OR11A1: variants seen among roughly 807,000 people sequenced by gnomAD.
OR11A1 encodes the protein olfactory receptor 11A1.
For synonymous variants in OR11A1, 158 were observed against 152.2 expected (o/e 1.04, Z -0.28); for missense variants, 380 against 378.2 (o/e 1.00, Z -0.04).
At position 29,430,304 on chromosome 6, in the gene OR11A1, T is replaced by C. The variant is rs1188090518; in HGVS notation, c.-143A>G. The C allele has an allele frequency of 1.0e-6, 1 of 985,440 alleles. No individual in the cohort carries two copies. The highest frequency in any genetic ancestry group is 1.2e-6 in the Non-Finnish European group (1 of 829,942). The allele number at this position is 985,440 out of a possible 1,614,324, so 61.0% of individuals were successfully genotyped here. The stretch of plus-strand genomic sequence containing the variant: ...GTCTCTAAAGCTATTCTCTTACCCT[T>C]TGATCCCATCTGCATTTCCTTGTGA... On this transcript the variant is annotated 5_prime_UTR_variant, in exon 3 of 5. Transcript: ENST00000377149.
intron 1 of OR11A1, among the ~76,000 whole-genome samples, chr6:29,454,355 A>G (rs1419582104): frequency 1.3e-5 from 2 of 152,058 alleles, no homozygotes; most frequent in Non-Finnish European, 2.9e-5. Context: ...TGGGGCCCAG[A>G]TGGAAAAAAA....
chr6:29,450,878 G>A (rs1327614468), intron 1 of OR11A1, among the ~76,000 whole-genome samples: 1 of 152,136 alleles, frequency 6.6e-6, no homozygotes, highest in African/African-American at 2.4e-5. Flanking sequence ...AAATTCATAT[G>A]TAACCAAAAA....
chr6:29,443,580 A>G (rs543944055), intron 1 of OR11A1, among the ~76,000 whole-genome samples: 1 of 151,594 alleles, frequency 6.6e-6, no homozygotes, highest in Non-Finnish European at 1.5e-5. Flanking sequence ...GGTTGTTTCC[A>G]GTTTTTGGTT....
intron 1 of OR11A1, among the ~76,000 whole-genome samples, chr6:29,437,597 A>G (rs1205428479): frequency 6.9e-6 from 1 of 145,656 alleles, no homozygotes. Flanking sequence ...GAACGATGTC[A>G]TCTCCCATCT....
At chr6:29,449,636 T>C (rs1374466288) in intron 1 of OR11A1, among the ~76,000 whole-genome samples, 2 of 152,142 alleles carry the variant, frequency 1.3e-5, no homozygotes, top group South Asian at 2.1e-4. Context: ...CCAATCTTTC[T>C]CTTTTTTTTG....
At chr6:29,440,725 T>C (rs763975735) in intron 1 of OR11A1, 2 of 1,613,944 alleles carry the variant, frequency 1.2e-6, no homozygotes, top group East Asian at 2.2e-5. Flanking sequence ...CGCAAGGCCT[T>C]CTCCACCTGC....
intron 1 of OR11A1, among the ~76,000 whole-genome samples, chr6:29,449,666 T>C (rs1251929740): frequency 6.6e-6 from 1 of 152,152 alleles, no homozygotes; most frequent in East Asian, 1.9e-4. Flanking sequence ...AGATGGAGTC[T>C]CGCTCTGACT....
chr6:29,445,087 A>G (rs142389383), intron 1 of OR11A1, among the ~76,000 whole-genome samples: 4,046 of 152,126 alleles, frequency 0.027, 117 homozygotes, highest in African/African-American at 0.076. Context: ...GCTCACTGCA[A>G]CCTCTGCCTT....
chr6:29,427,240 T>A lies in OR11A1; in HGVS notation c.402A>T (p.Pro134=). The change falls in exon 5 of 5, where the codon CCA becomes CCT. Residue 134 remains proline (P), a synonymous_variant. Transcript: ENST00000377149. ...TGTACCGTCTGGGCCCCATCAGGAG[T>A]GGGTAGTGGAGTGGGTAGCAAATTG... ...YLAICYPLHY[P]LLMGPRRYMG... is the part of the protein sequence containing the mutation. 6.2e-7 allele frequency: 1 copy of A among 1,612,342 alleles called. No homozygotes were observed. Among genetic ancestry groups the A allele is most frequent in the East Asian group, 2.2e-5 (1 of 44,838 alleles).
At chr6:29,429,854 C>A (rs933126673) in intron 3 of OR11A1, among the ~76,000 whole-genome samples, 2 of 152,120 alleles carry the variant, frequency 1.3e-5, no homozygotes, top group African/African-American at 4.8e-5. Context: ...CAAGAAGGAA[C>A]TAGAGCTTCA....
At chr6:29,432,015 A>C in intron 1 of OR11A1, 28 bp from the exon 2 acceptor site, 1 of 985,254 alleles carries the variant, frequency 1.0e-6, no homozygotes, top group Non-Finnish European at 1.2e-6. Flanking sequence ...ATTGATTACA[A>C]ATGTCACCCT....
intron 1 of OR11A1, among the ~76,000 whole-genome samples, chr6:29,435,705 A>G (rs1003302128): frequency 6.6e-6 from 1 of 152,236 alleles, no homozygotes; most frequent in Non-Finnish European, 1.5e-5. Flanking sequence ...ATTTTACAAA[A>G]ACAAATTATA....
Position 29,427,320 on chromosome 6 carries a change from G to C in OR11A1, c.322C>G (p.Leu108Val). 3 of 1,613,098 alleles carry C rather than the reference G, an allele frequency of 1.9e-6. No individual in the cohort carries two copies. In the South Asian group the frequency reaches 3.3e-5, roughly 18 times the overall value. Residue 108 changes from leucine to valine, a missense_variant, in exon 5 of 5, where the codon CTA (leucine) becomes GTA (valine). Coordinates refer to ENST00000377149, the MANE Select transcript of OR11A1 (RefSeq NM_001394828.1). Reference protein sequence around the residue: ...CLLQFFIFGSLATAECLLLAV... With the variant: ...CLLQFFIFGSVATAECLLLAV... ...AGCAGTAAGCATTCAGCTGTGGCTA[G>C]AGAGCCGAAGATAAAGAACTGGAGC...
chr6:29,436,973 C>G (rs1325430949), intron 1 of OR11A1, among the ~76,000 whole-genome samples: 1 of 152,194 alleles, frequency 6.6e-6, no homozygotes, highest in Non-Finnish European at 1.5e-5. Context: ...TTTCGAAAAG[C>G]GCCAGCACAA....
intron 4 of OR11A1, chr6:29,428,069 C>T: frequency 3.4e-6 from 1 of 291,098 alleles, no homozygotes; most frequent in Non-Finnish European, 5.3e-6. Context: ...CCCACAACTG[C>T]AAACTCTTCT....
intron 1 of OR11A1, chr6:29,440,436 C>T (rs1422951751): frequency 6.2e-7 from 1 of 1,614,076 alleles, no homozygotes; most frequent in Non-Finnish European, 8.5e-7. Context: ...CCGGGTGTGT[C>T]TACAGCTAGC....
At chr6:29,428,743 C>A (rs191137618) in intron 4 of OR11A1, among the ~76,000 whole-genome samples, 170 bp downstream of exon 4, 2 of 89,120 alleles carry the variant, frequency 2.2e-5, no homozygotes, top group African/African-American at 9.2e-5. Flanking sequence ...GGCAATAGAA[C>A]GAAACTCCAT....
chr6:29,450,086 G>C (rs1389257319), intron 1 of OR11A1: 1 of 152,208 alleles, frequency 6.6e-6, no homozygotes, highest in African/African-American at 2.4e-5. Flanking sequence ...ATGGGCCTGT[G>C]GCAGCACAGT....
chr6:29,426,950 G>A lies in OR11A1; in HGVS notation c.692C>T (p.Ala231Val), dbSNP rs1219269846. ...GAAAGCCCTTCTCCTGCTTGCCCCAGCAGGAACTCTCAGCACTGCCACCAC... is the reference window on the plus strand; with the variant it reads ...GAAAGCCCTTCTCCTGCTTGCCCCAACAGGAACTCTCAGCACTGCCACCAC... ...RIVVAVLRVPAGASRRRAFST... is the reference protein window; with the variant it reads ...RIVVAVLRVPVGASRRRAFST... The change falls in exon 5 of 5, where the codon GCT becomes GTT. Residue 231 changes from alanine (A) to valine (V), a missense_variant. Ala to Val is a moderately conservative substitution (Grantham distance 64). Coordinates refer to ENST00000377149, the MANE Select transcript of OR11A1 (RefSeq NM_001394828.1). The A allele has an allele frequency of 6.2e-7, 1 of 1,613,092 alleles. No individual in the cohort carries two copies. The highest frequency in any genetic ancestry group is 1.1e-5 in the South Asian group (1 of 91,082).
Sources: gnomAD v4.1 joint callset for allele counts (sites outside exome capture counted in the v4.1 genomes callset) on GRCh38, gnomAD v4.1.1 for gene constraint, MANE v1.5 for transcripts, NCBI Gene and HGNC (gene_info 2026-07-23, HGNC 2026-07-21) for gene names.